Variants in CHRNA6 observed in about 807,000 individuals in gnomAD.
CHRNA6 encodes neuronal acetylcholine receptor subunit alpha-6.
Under a neutral mutation model 40.9 loss-of-function variants are expected in CHRNA6, and 31 were observed. The observed-to-expected ratio is 0.76, with a 90% CI of 0.57 to 1.02. The LOEUF (loss-of-function observed/expected upper bound fraction) is 1.02, where lower values mean the gene tolerates loss of function less well. Among genes scored for constraint, CHRNA6 ranks in the 50% least tolerant of loss-of-function variants. CHRNA6 has a pLI of 0.00. For synonymous variants in CHRNA6, 222 were observed against 221.3 expected, an observed-to-expected ratio of 1.00 and a Z score of -0.03; for missense variants, 546 against 596.6, an observed-to-expected ratio of 0.92 and a Z score of 0.88.
chr8:42,760,275 A>G (rs1200991177), intron 2 of CHRNA6, among the ~76,000 whole-genome samples: 2 of 151,486 alleles, frequency 1.3e-5, no homozygotes, highest in Non-Finnish European at 2.9e-5. Context: ...ATGCACACAC[A>G]TTCATACACA....
chr8:42,755,508 T>A (rs1332089157), intron 5 of CHRNA6, among the ~76,000 whole-genome samples: 1 of 152,138 alleles, frequency 6.6e-6, no homozygotes, highest in Non-Finnish European at 1.5e-5. Flanking sequence ...AACTCCTGAC[T>A]TCAGGTGATC....
chr8:42,753,933 C>A (rs1165117362), intron 5 of CHRNA6, among the ~76,000 whole-genome samples: 3 of 152,070 alleles, frequency 2.0e-5, no homozygotes, highest in Non-Finnish European at 4.4e-5. Context: ...AGTCTGGCTC[C>A]ATGGCAAGTC....
chr8:42,757,568 C>CCA (rs113877727), intron 3 of CHRNA6, among the ~76,000 whole-genome samples: 27,961 of 115,068 alleles, frequency 0.24, 5,247 homozygotes, highest in African/African-American at 0.52. Context: ...ACTAAAAATA[C>CCA]AAAAAAAAAA....
At chr8:42,764,850 T>C (rs1030148950) in intron 2 of CHRNA6, 5 of 550,410 alleles carry the variant, frequency 9.1e-6, no homozygotes, top group Non-Finnish European at 1.6e-5. Flanking sequence ...AACTCTTTGT[T>C]TCGTAAACTG....
At chr8:42,760,406 G>T (rs529379689) in intron 2 of CHRNA6, among the ~76,000 whole-genome samples, 1 of 150,994 alleles carries the variant, frequency 6.6e-6, no homozygotes, top group South Asian at 2.1e-4. Context: ...ATACACATTC[G>T]TACTCTTATA....
At chr8:42,754,872 C>T (rs183194276) in intron 5 of CHRNA6, among the ~76,000 whole-genome samples, 1 of 152,252 alleles carries the variant, frequency 6.6e-6, no homozygotes, top group African/African-American at 2.4e-5. Context: ...ACCTAAATCC[C>T]TCAAGTAGGA....
At chr8:42,755,817 C>T in intron 5 of CHRNA6, 29 bp downstream of exon 5, 1 of 1,593,460 alleles carries the variant, frequency 6.3e-7, no homozygotes. Context: ...AGGGTGCAAG[C>T]TGGCTGGGTG....
chr8:42,767,467 C>G (rs1011860694), intron 1 of CHRNA6, among the ~76,000 whole-genome samples: 4 of 152,046 alleles, frequency 2.6e-5, no homozygotes, highest in Non-Finnish European at 5.9e-5. Flanking sequence ...AATTTGATAT[C>G]TAACATAGGA....
At chr8:42,757,367 T>A (rs965684045) in intron 3 of CHRNA6, among the ~76,000 whole-genome samples, 4 of 147,880 alleles carry the variant, frequency 2.7e-5, no homozygotes. Flanking sequence ...AAAAAAAAAA[T>A]GTGTTTCTTA....
chr8:42,758,550 G>C (rs190317933), intron 3 of CHRNA6, among the ~76,000 whole-genome samples: 1 of 152,118 alleles, frequency 6.6e-6, no homozygotes, highest in African/African-American at 2.4e-5. Context: ...TTAGAGACAG[G>C]GTTTCATTTC....
At chr8:42,754,614 G>A (rs931137911) in intron 5 of CHRNA6, among the ~76,000 whole-genome samples, 8 of 152,238 alleles carry the variant, frequency 5.3e-5, no homozygotes, top group Non-Finnish European at 8.8e-5. Flanking sequence ...GCGGACTTTC[G>A]GTTTCACAGT....
intron 3 of CHRNA6, among the ~76,000 whole-genome samples, chr8:42,757,628 G>A (rs1213214358): frequency 6.6e-6 from 1 of 151,114 alleles, no homozygotes; most frequent in Non-Finnish European, 1.5e-5. Flanking sequence ...AGCTACTCCG[G>A]AGGCTGAGGC....
chr8:42,753,280 C>T lies in CHRNA6; in HGVS notation c.1384G>A (p.Val462Met). 1 of 1,609,436 alleles carries T rather than the reference C, an allele frequency of 6.2e-7. No homozygotes were observed. The highest frequency in any genetic ancestry group is 8.5e-7 in the Non-Finnish European group (1 of 1,179,064). ...VEDDWKYVAMVVDRVFLWVFI... is the reference protein window; with the variant it reads ...VEDDWKYVAMMVDRVFLWVFI... ...ACCCAAAGAAATACTCTGTCCACCA[C>T]CATGGCCACGTATTTCCAGTCATCT... is the stretch of plus-strand genomic sequence containing the variant. The change falls in exon 6 of 6, where the codon GTG becomes ATG. Residue 462 changes from valine (V) to methionine (M), a missense_variant. By Grantham distance (21) the Val-to-Met change is conservative. Around this residue, in one of 3 missense-constraint regions of CHRNA6, gnomAD observed 65 missense variants for 83.8 expected, o/e 0.78. Coordinates refer to ENST00000276410, the MANE Select transcript of CHRNA6 (RefSeq NM_004198.3).
In CHRNA6 at chr8:42,768,644, G is replaced by A. The variant is rs889808335; in HGVS notation, c.-214C>T. On this transcript the variant is annotated 5_prime_UTR_variant, in exon 1 of 6. It introduces an in-frame stop codon into an upstream open reading frame of the 5' UTR. Transcript: ENST00000276410. ...CATGAAGGGCGAATAAAAAAGATTC[G>A]ATCTGATGTCAGATGAGTCATCACA... 1 of 476,834 alleles carries A rather than the reference G, an allele frequency of 2.1e-6. No homozygotes were observed. Among genetic ancestry groups the A allele is most frequent in the Non-Finnish European group, 3.8e-6 (1 of 264,560 alleles). The allele number at this position is 476,834 out of a possible 1,614,324, so 29.5% of individuals were successfully genotyped here.
At position 42,752,974 on chromosome 8, in the gene CHRNA6, C is replaced by T. The variant is rs1420440741; in HGVS notation, c.*205G>A. Reference sequence around the variant, plus strand: ...TGCTGCCCAATCAGGGCACTAATGTCATAACACTTCTCACTTCTCCCCCTG... The same window carrying T: ...TGCTGCCCAATCAGGGCACTAATGTTATAACACTTCTCACTTCTCCCCCTG... On this transcript the variant is annotated 3_prime_UTR_variant, in exon 6 of 6. Transcript: ENST00000276410. 6.1e-6 allele frequency: 3 copies of T among 489,348 alleles called. No individual in the cohort carries two copies. Among genetic ancestry groups the T allele is most frequent in the Non-Finnish European group, 1.1e-5 (3 of 278,068 alleles). 30.3% of individuals were successfully genotyped at this position (489,348 alleles called of 1,614,324 possible).
At chr8:42,763,358 A>G (rs755075481) in intron 2 of CHRNA6, among the ~76,000 whole-genome samples, 8 of 152,148 alleles carry the variant, frequency 5.3e-5, no homozygotes, top group Non-Finnish European at 1.2e-4. Flanking sequence ...AATCTCCTGG[A>G]CTGTTAACCT....
chr8:42,757,089 G>A, intron 3 of CHRNA6, 52 bp from the exon 4 acceptor site: 2 of 1,374,278 alleles, frequency 1.5e-6, no homozygotes, highest in Middle Eastern at 1.8e-4. Context: ...TTTCGGGCCA[G>A]GCATGGTGGC....
rs1343527824 is a variant in CHRNA6 at position 42,755,788 on chromosome 8, GAGTGCCCAT to G, written c.1353+49_1353+57del. On this transcript the variant is annotated intron_variant, in intron 5 of 5. Transcript: ENST00000276410. The stretch of plus-strand genomic sequence containing the variant: ...CACTGAAGGTCTGACTGTGCATCCA[GAGTGCCCAT>G]AGGCTGCAAAGGGTGCAAGCTGGCT... 5.4e-5 allele frequency: 84 copies of G among 1,546,850 alleles called. No individual in the cohort carries two copies. The East Asian group carries it at 7.9e-4, about 14-fold the overall frequency.
intron 2 of CHRNA6, among the ~76,000 whole-genome samples, chr8:42,760,510 ACATGCACACGCT>A (rs1816888700): frequency 1.3e-5 from 2 of 152,016 alleles, no homozygotes; most frequent in South Asian, 2.1e-4. Context: ...TCACTCATGC[ACATGCACACGCT>A]CATGCACACA....
Sources: allele counts gnomAD v4.1 joint callset (sites outside exome capture counted in the v4.1 genomes callset), GRCh38; gene constraint gnomAD v4.1.1; regional missense constraint gnomAD v4.1.1; transcripts MANE v1.5; gene names NCBI Gene and HGNC (gene_info 2026-07-23, HGNC 2026-07-21).